The following ZNF385D variants were observed in gnomAD, a reference collection of about 807,000 sequenced individuals.
ZNF385D encodes the protein zinc finger protein 385D, also known as zinc finger protein 659.
Under a neutral mutation model 35.8 loss-of-function variants are expected in ZNF385D, and 15 were observed. The ratio of observed to expected loss-of-function variants is 0.42; its 90% CI spans 0.28 to 0.64. The LOEUF (loss-of-function observed/expected upper bound fraction) is 0.64. ZNF385D is among the 30% of genes least tolerant of loss of function. The probability of loss-of-function intolerance (pLI) is 0.23; values close to 1 mark genes in which losing one functional copy is unlikely to be tolerated. For missense variants in ZNF385D, 474 were observed against 494.6 expected (o/e 0.96, Z 0.39); for synonymous variants, 212 against 186.8 (o/e 1.13, Z -1.10).
chr3:22,287,884 G>T (rs1019245883), intron 2 of ZNF385D, among the ~76,000 whole-genome samples: 2 of 151,846 alleles, frequency 1.3e-5, no homozygotes, highest in South Asian at 4.2e-4. Flanking sequence ...TTACTAATTT[G>T]CATCCTTTTC....
At chr3:22,067,448 C>T (rs1197010644) in intron 3 of ZNF385D, among the ~76,000 whole-genome samples, 8 of 152,192 alleles carry the variant, frequency 5.3e-5, no homozygotes, top group Non-Finnish European at 1.0e-4. Context: ...AATGAAGTCA[C>T]TATAGATTTG....
intron 3 of ZNF385D, among the ~76,000 whole-genome samples, chr3:21,897,586 T>C (rs1480800037): frequency 2.0e-5 from 3 of 152,164 alleles, no homozygotes; most frequent in African/African-American, 7.2e-5. Context: ...TTCAGACGAT[T>C]AAGATGAGAC....
At chr3:22,321,023 T>C (rs1026392713) in intron 2 of ZNF385D, among the ~76,000 whole-genome samples, 28 of 152,086 alleles carry the variant, frequency 1.8e-4, no homozygotes, top group Non-Finnish European at 2.4e-4. Flanking sequence ...AATCCTGTTA[T>C]ATGATTTGAT....
chr3:21,895,490 GC>G (rs1699088470), intron 3 of ZNF385D, among the ~76,000 whole-genome samples: 1 of 148,328 alleles, frequency 6.7e-6, no homozygotes. Flanking sequence ...ACCATGCCTG[GC>G]TAATTTTTTT....
intron 2 of ZNF385D, among the ~76,000 whole-genome samples, chr3:22,192,190 T>C (rs1486505980): frequency 6.6e-6 from 1 of 152,096 alleles, no homozygotes; most frequent in Non-Finnish European, 1.5e-5. Flanking sequence ...CCACACCAGG[T>C]CAGAGAAGTT....
At chr3:21,521,241 C>T (rs1707882913) in intron 3 of ZNF385D, among the ~76,000 whole-genome samples, 1 of 152,170 alleles carries the variant, frequency 6.6e-6, no homozygotes, top group East Asian at 1.9e-4. Flanking sequence ...TTCTCCGAGG[C>T]ACTTTGGTTA....
At chr3:21,882,521 G>C (rs1448564539) in intron 3 of ZNF385D, among the ~76,000 whole-genome samples, 1 of 152,000 alleles carries the variant, frequency 6.6e-6, no homozygotes, top group Non-Finnish European at 1.5e-5. Flanking sequence ...AAAAATGTGT[G>C]TGACTCTCTT....
At chr3:22,100,210 T>C (rs1163438485) in intron 3 of ZNF385D, among the ~76,000 whole-genome samples, 2 of 143,156 alleles carry the variant, frequency 1.4e-5, no homozygotes, top group African/African-American at 5.4e-5. Flanking sequence ...TGTGGAGAAA[T>C]AGGAACACTT....
chr3:21,901,180 C>T (rs1368913048), intron 3 of ZNF385D, among the ~76,000 whole-genome samples: 1 of 152,152 alleles, frequency 6.6e-6, no homozygotes, highest in South Asian at 2.1e-4. Flanking sequence ...AATTAAAAGG[C>T]TATGTTTAAG....
At chr3:22,105,934 G>C (rs927820574) in intron 3 of ZNF385D, among the ~76,000 whole-genome samples, 11 of 151,928 alleles carry the variant, frequency 7.2e-5, no homozygotes, top group African/African-American at 2.7e-4. Context: ...TAATTTAATA[G>C]TACACATCTG....
At chr3:22,017,061 A>C (rs1696933304) in intron 3 of ZNF385D, among the ~76,000 whole-genome samples, 1 of 152,024 alleles carries the variant, frequency 6.6e-6, no homozygotes, top group Admixed American at 6.6e-5. Context: ...TTCAAATGTT[A>C]TGTTATAAAC....
intron 1 of ZNF385D, among the ~76,000 whole-genome samples, chr3:21,685,147 T>C (rs2067064569): frequency 2.0e-5 from 3 of 152,226 alleles, no homozygotes; most frequent in Admixed American, 6.5e-5. Flanking sequence ...TGGCTTATTA[T>C]TTCAAACAAT....
intron 3 of ZNF385D, among the ~76,000 whole-genome samples, chr3:22,033,005 G>A (rs1275043033): frequency 1.3e-5 from 2 of 152,106 alleles, no homozygotes; most frequent in Non-Finnish European, 2.9e-5. Flanking sequence ...CTTAGACCCT[G>A]TGCTATACTG....
intron 3 of ZNF385D, among the ~76,000 whole-genome samples, chr3:22,124,991 C>A (rs959803071): frequency 1.3e-5 from 2 of 151,986 alleles, no homozygotes; most frequent in African/African-American, 4.8e-5. Context: ...AAATATTTTC[C>A]CAGACCAACA....
rs573983463 is a variant in ZNF385D, at chr3:21,582,841, C to T, written c.166-18157G>A. ...GGCCCAGGCTGGAGTGCAGTGGCGC[C>T]ATCTCTGCTCACTGCAACCTCCACC... On this transcript the variant is annotated intron_variant, in intron 2 of 7. Coordinates refer to ENST00000281523, the MANE Select transcript of ZNF385D (RefSeq NM_024697.3). 3.9e-5 allele frequency among the ~76,000 whole-genome samples: 6 copies of T among 152,016 alleles called. No individual in the cohort carries two copies. The East Asian group carries it at 1.2e-3, about 29-fold the overall frequency.
At chr3:21,692,047 A>T (rs1181543096) in intron 1 of ZNF385D, among the ~76,000 whole-genome samples, 2 of 152,194 alleles carry the variant, frequency 1.3e-5, no homozygotes, top group African/African-American at 2.4e-5. Context: ...ATGTTGTAGC[A>T]CATATCAGAA....
chr3:22,206,167 C>A (rs1226532073), intron 2 of ZNF385D, among the ~76,000 whole-genome samples: 1 of 151,734 alleles, frequency 6.6e-6, no homozygotes, highest in Non-Finnish European at 1.5e-5. Context: ...AAGACAAAAA[C>A]TATAAAAAGA....
chr3:21,721,109 T>C (rs1256619259), intron 1 of ZNF385D, among the ~76,000 whole-genome samples: 4 of 152,124 alleles, frequency 2.6e-5, no homozygotes, highest in Non-Finnish European at 5.9e-5. Context: ...TTCGAAAACA[T>C]ACTCTTGCGG....
At chr3:22,347,225 C>T (rs994671611) in intron 2 of ZNF385D, among the ~76,000 whole-genome samples, 1 of 152,118 alleles carries the variant, frequency 6.6e-6, no homozygotes, top group Non-Finnish European at 1.5e-5. Flanking sequence ...TTAAACAATG[C>T]ATTTAATTAA....
Sources: gnomAD v4.1 joint callset for allele counts (sites outside exome capture counted in the v4.1 genomes callset) on GRCh38, gnomAD v4.1.1 for gene constraint, MANE v1.5 for transcripts, NCBI Gene and HGNC (gene_info 2026-07-23, HGNC 2026-07-21) for gene names.